LRP1B: variants seen among roughly 807,000 people sequenced by gnomAD.
LRP1B encodes LDL receptor related protein 1B.
In LRP1B, 217 loss-of-function variants were observed where a neutral mutation model predicts 556.6. The observed-to-expected ratio is 0.39, with a 90% CI of 0.35 to 0.44. The LOEUF (loss-of-function observed/expected upper bound fraction) is 0.44, where lower values mean the gene tolerates loss of function less well. LRP1B is among the 20% of genes least tolerant of loss of function. The probability of loss-of-function intolerance (pLI) is 1.00; values close to 1 mark genes in which losing one functional copy is unlikely to be tolerated. For missense variants in LRP1B, 5,053 were observed against 5,620.8 expected, an observed-to-expected ratio of 0.90 and a Z score of 3.23; for synonymous variants, 2,047 against 1,865.8, an observed-to-expected ratio of 1.10 and a Z score of -2.50.
intron 1 of LRP1B, among the ~76,000 whole-genome samples, chr2:141,863,950 A>C (rs371012514): frequency 6.6e-6 from 1 of 152,174 alleles, no homozygotes; most frequent in Admixed American, 6.5e-5. Context: ...TATGTCTAAA[A>C]TGACAAGGTA....
At chr2:141,571,882 A>T (rs1686543615) in intron 2 of LRP1B, among the ~76,000 whole-genome samples, 1 of 152,222 alleles carries the variant, frequency 6.6e-6, no homozygotes, top group South Asian at 2.1e-4. Context: ...GAAAAGGGAA[A>T]AAAGAATGAC....
intron 16 of LRP1B, among the ~76,000 whole-genome samples, chr2:140,991,157 A>G (rs1458390820): frequency 1.3e-5 from 2 of 152,190 alleles, no homozygotes; most frequent in East Asian, 1.9e-4. Flanking sequence ...CGAGAGAAAT[A>G]TAAGTCATCT....
chr2:140,663,127 C>T (rs531893139), intron 41 of LRP1B, among the ~76,000 whole-genome samples: 106 of 152,214 alleles, frequency 7.0e-4, no homozygotes, highest in Admixed American at 2.2e-3. Flanking sequence ...TATAAAAATA[C>T]CTGTAACTTA....
At chr2:141,708,834 C>A (rs939668408) in intron 2 of LRP1B, among the ~76,000 whole-genome samples, 1 of 152,054 alleles carries the variant, frequency 6.6e-6, no homozygotes, top group Non-Finnish European at 1.5e-5. Context: ...GAAAAGGCTA[C>A]ATGTGAGGCC....
chr2:141,510,214 ACACACACACACACACACACACC>A (rs1490839336), intron 2 of LRP1B, among the ~76,000 whole-genome samples: 13 of 150,764 alleles, frequency 8.6e-5, no homozygotes, highest in African/African-American at 2.0e-4. Context: ...ACACACACAC[ACACACACACACACACACACACC>A]CCCCACAGTC....
At chr2:140,728,138 A>G (rs1386440313) in intron 35 of LRP1B, among the ~76,000 whole-genome samples, 2 of 122,698 alleles carry the variant, frequency 1.6e-5, no homozygotes, top group African/African-American at 6.1e-5. Flanking sequence ...TGGAATTTGC[A>G]TTAAACATTA....
chr2:141,357,973 C>A (rs887029203), intron 3 of LRP1B, among the ~76,000 whole-genome samples: 3 of 152,134 alleles, frequency 2.0e-5, no homozygotes. Context: ...TGAGGAAAAA[C>A]AACCCTCTTC....
chr2:141,251,795 A>C (rs1050537852), intron 4 of LRP1B, among the ~76,000 whole-genome samples: 1 of 152,158 alleles, frequency 6.6e-6, no homozygotes, highest in African/African-American at 2.4e-5. Context: ...AAATAAAGGC[A>C]GTGACTACAA....
At chr2:141,846,768 T>C (rs1697659139) in intron 1 of LRP1B, among the ~76,000 whole-genome samples, 1 of 151,356 alleles carries the variant, frequency 6.6e-6, no homozygotes, top group African/African-American at 2.4e-5. Flanking sequence ...ACAAAAAACA[T>C]AGGATCGTGA....
At chr2:140,747,816 C>G (rs1688367921) in intron 35 of LRP1B, among the ~76,000 whole-genome samples, 1 of 151,718 alleles carries the variant, frequency 6.6e-6, no homozygotes. Context: ...GATAGGAGAA[C>G]TGATAGAAAA....
At chr2:140,614,881 A>G (rs1559006860) in intron 41 of LRP1B, among the ~76,000 whole-genome samples, 1 of 152,186 alleles carries the variant, frequency 6.6e-6, no homozygotes, top group South Asian at 2.1e-4. Context: ...AGTGAGAGAA[A>G]TCCAACCTAG....
At chr2:140,562,853 C>T (rs2380886) in intron 43 of LRP1B, among the ~76,000 whole-genome samples, 67,238 of 151,764 alleles carry the variant, frequency 0.44, 15,203 homozygotes, top group Middle Eastern at 0.59. Flanking sequence ...TGGCCTCAAA[C>T]GATCTGTCTG....
At chr2:142,029,461 C>A (rs1703614075) in intron 1 of LRP1B, among the ~76,000 whole-genome samples, 1 of 151,734 alleles carries the variant, frequency 6.6e-6, no homozygotes, top group Non-Finnish European at 1.5e-5. Flanking sequence ...GTTATCTAGT[C>A]CCAGAACAAT....
intron 2 of LRP1B, among the ~76,000 whole-genome samples, chr2:141,649,800 T>G (rs1422664735): frequency 6.6e-6 from 1 of 152,116 alleles, no homozygotes; most frequent in East Asian, 1.9e-4. Context: ...GACCAGAAAA[T>G]TTAACCTGAA....
chr2:141,831,117 T>A (rs1248175022), intron 1 of LRP1B, among the ~76,000 whole-genome samples: 2 of 151,778 alleles, frequency 1.3e-5, no homozygotes, highest in Non-Finnish European at 1.5e-5. Flanking sequence ...TTGAGCAACT[T>A]ACTTTCACCT....
intron 41 of LRP1B, among the ~76,000 whole-genome samples, chr2:140,666,382 C>T (rs544774203): frequency 2.6e-5 from 4 of 152,020 alleles, no homozygotes; most frequent in East Asian, 3.9e-4. Flanking sequence ...TTAGGAGTCT[C>T]GGCTTTTGAT....
intron 3 of LRP1B, among the ~76,000 whole-genome samples, chr2:141,321,424 A>C (rs1290882554): frequency 6.6e-6 from 1 of 152,140 alleles, no homozygotes; most frequent in African/African-American, 2.4e-5. Flanking sequence ...GTCATACTCC[A>C]TAAAAATTTT....
chr2:141,032,713 A>C (rs1421166760), intron 11 of LRP1B, among the ~76,000 whole-genome samples: 1 of 151,320 alleles, frequency 6.6e-6, no homozygotes, highest in Non-Finnish European at 1.5e-5. Context: ...AATTGTGAAC[A>C]TTTTTGCTTA....
At chr2:141,788,884 C>A (rs909019249) in intron 2 of LRP1B, among the ~76,000 whole-genome samples, 6 of 152,066 alleles carry the variant, frequency 3.9e-5, no homozygotes, top group African/African-American at 1.4e-4. Context: ...TTTTTTATGG[C>A]TGCATAGTAT....
Sources: allele counts gnomAD v4.1 joint callset (sites outside exome capture counted in the v4.1 genomes callset), GRCh38; gene constraint gnomAD v4.1.1; transcripts MANE v1.5; gene names NCBI Gene and HGNC (gene_info 2026-07-23, HGNC 2026-07-21).